CRK: variants seen among roughly 807,000 people sequenced by gnomAD.
CRK encodes adapter molecule crk.
A neutral mutation model predicts 29.8 loss-of-function variants in CRK; 4 were observed. The ratio of observed to expected loss-of-function variants is 0.13; its 90% CI spans 0.07 to 0.31. CRK has a LOEUF of 0.31. Ranked by LOEUF, CRK falls within the 10% of genes least tolerant of loss-of-function variation. The probability of loss-of-function intolerance (pLI) is 1.00; values close to 1 mark genes in which losing one functional copy is unlikely to be tolerated. For synonymous variants in CRK, 153 were observed against 164.9 expected (o/e 0.93, Z 0.55); for missense variants, 274 against 396.5 (o/e 0.69, Z 2.62).
At chr17:1,442,435 C>T (rs553726335) in intron 1 of CRK, among the ~76,000 whole-genome samples, 1 of 151,672 alleles carries the variant, frequency 6.6e-6, no homozygotes, top group African/African-American at 2.4e-5. Flanking sequence ...TGCAGATGTG[C>T]ACCACTGCAG....
intron 1 of CRK, among the ~76,000 whole-genome samples, chr17:1,441,509 G>GA (rs773422823): frequency 2.7e-5 from 4 of 147,208 alleles, no homozygotes; most frequent in Non-Finnish European, 6.0e-5. Flanking sequence ...TTTTTTTTTT[G>GA]AGATGGAGTC....
chr17:1,427,030 C>CAAAAAAAAAAAAAAAAAAAAAA (rs562515421), intron 2 of CRK, among the ~76,000 whole-genome samples: 2 of 35,304 alleles, frequency 5.7e-5, no homozygotes, highest in Admixed American at 5.7e-4. Context: ...AAACTGTCTC[C>CAAAAAAAAAAAAAAAAAAAAAA]AAAAAAAAAA....
intron 1 of CRK, among the ~76,000 whole-genome samples, chr17:1,454,978 G>A (rs1283107260): frequency 1.3e-5 from 2 of 152,120 alleles, no homozygotes; most frequent in African/African-American, 2.4e-5. Flanking sequence ...GACTCAGCCC[G>A]CAGCCCCATC....
chr17:1,434,943 G>A (rs1314104960), intron 2 of CRK, among the ~76,000 whole-genome samples: 1 of 152,110 alleles, frequency 6.6e-6, no homozygotes, highest in African/African-American at 2.4e-5. Context: ...TTTTTGAGCA[G>A]TAAAGCCTCT....
intron 2 of CRK, among the ~76,000 whole-genome samples, chr17:1,433,071 C>T (rs1442546608): frequency 2.0e-5 from 3 of 152,176 alleles, no homozygotes; most frequent in African/African-American, 2.4e-5. Flanking sequence ...AGCTCTGTGT[C>T]GTTTTCAAGG....
intron 1 of CRK, among the ~76,000 whole-genome samples, chr17:1,454,229 A>C (rs537300113): frequency 1.3e-5 from 2 of 151,828 alleles, no homozygotes; most frequent in East Asian, 2.0e-4. Context: ...GAAATAAATA[A>C]GAAAAATTTT....
chr17:1,455,385 C>T (rs1277903396), intron 1 of CRK, among the ~76,000 whole-genome samples: 1 of 152,150 alleles, frequency 6.6e-6, no homozygotes, highest in Non-Finnish European at 1.5e-5. Flanking sequence ...CCATCCCTCC[C>T]GGCCAGTATG....
At chr17:1,425,112 CAG>C (rs1324546504) in intron 2 of CRK, among the ~76,000 whole-genome samples, 6 of 151,584 alleles carry the variant, frequency 4.0e-5, no homozygotes, top group Admixed American at 1.3e-4. Context: ...TTTTTTAAGA[CAG>C]AGTCTCGATC....
At position 1,421,322 on chromosome 17, in the gene CRK, G is replaced by A. The variant is rs1366704692; in HGVS notation, c.*2191C>T. 6.6e-6 allele frequency: 1 copy of A among 152,188 alleles called. No homozygotes were observed. The highest frequency in any genetic ancestry group is 1.9e-4 in the East Asian group (1 of 5,206). 9.4% of individuals were successfully genotyped at this position (152,188 alleles called of 1,614,324 possible). A position where few individuals can be genotyped will look rare whatever the true frequency, so the allele number is the denominator to read the frequency against. On this transcript the variant is annotated 3_prime_UTR_variant, in exon 3 of 3. Transcript: ENST00000300574. ...GAAAATAGGAACATTCAAATCAGTTGTGACAAGGTTTTTCTACAAGTATTT... is the reference window on the plus strand; with the variant it reads ...GAAAATAGGAACATTCAAATCAGTTATGACAAGGTTTTTCTACAAGTATTT...
chr17:1,439,452 C>A (rs894995627), intron 1 of CRK, among the ~76,000 whole-genome samples: 11 of 152,072 alleles, frequency 7.2e-5, no homozygotes, highest in Non-Finnish European at 1.6e-4. Flanking sequence ...CGGCTAAGCA[C>A]CCAAAACAGC....
intron 1 of CRK, among the ~76,000 whole-genome samples, chr17:1,448,398 GCAA>G (rs1401069338): frequency 1.3e-5 from 2 of 152,030 alleles, no homozygotes; most frequent in Non-Finnish European, 2.9e-5. Context: ...GCAGAGCCAG[GCAA>G]ATCACTGAGG....
chr17:1,431,286 G>A (rs939600513), intron 2 of CRK, among the ~76,000 whole-genome samples: 5 of 152,152 alleles, frequency 3.3e-5, no homozygotes, highest in Non-Finnish European at 5.9e-5. Context: ...GGCAGAGGAA[G>A]AAGGCCGGAG....
At chr17:1,430,894 C>T (rs12944951) in intron 2 of CRK, among the ~76,000 whole-genome samples, 18,899 of 150,996 alleles carry the variant, frequency 0.13, 1,645 homozygotes, top group African/African-American at 0.23. Context: ...GGTGAAACCC[C>T]GTCTCTACTA....
chr17:1,429,483 A>G (rs2073816493), intron 2 of CRK, among the ~76,000 whole-genome samples: 1 of 151,940 alleles, frequency 6.6e-6, no homozygotes, highest in Non-Finnish European at 1.5e-5. Flanking sequence ...CACATTGGAC[A>G]GTCTGGTATG....
At chr17:1,433,509 C>A (rs12949152) in intron 2 of CRK, among the ~76,000 whole-genome samples, 6,454 of 58,750 alleles carry the variant, frequency 0.11, 578 homozygotes, top group African/African-American at 0.3. Flanking sequence ...CCACGCCTGG[C>A]TTTTTTTTTT....
In CRK at chr17:1,423,119, T is replaced by G; in HGVS notation, c.*394A>C. On this transcript the variant is annotated 3_prime_UTR_variant, in exon 3 of 3. Coordinates refer to ENST00000300574, the MANE Select transcript of CRK (RefSeq NM_016823.4). ...TGGAACGGAACAGTCTGTCGCCATT[T>G]GATAGTATGGTTCCAGAATGAAAAC... 4.7e-6 allele frequency: 2 copies of G among 426,712 alleles called. No individual in the cohort carries two copies. The highest frequency in any genetic ancestry group is 8.2e-6 in the Non-Finnish European group (2 of 243,244). The allele number at this position is 426,712 out of a possible 1,614,324, so 26.4% of individuals were successfully genotyped here.
chr17:1,455,995 G>A lies in CRK; in HGVS notation c.123C>T (p.Ser41=), dbSNP rs748586245. The A allele has an allele frequency of 3.1e-6, 5 of 1,601,042 alleles. No homozygotes were observed. The Admixed American group carries it at 6.8e-5, about 22-fold the overall frequency. The stretch of plus-strand genomic sequence containing the variant: ...TGAGCACATAGTCCCCGGGGCTGGT[G>A]CTCGAGTCCCGCACCAGGAACACCC... ...RHGVFLVRDS[S]TSPGDYVLSV... Residue 41 remains serine, a synonymous_variant, in exon 1 of 3, where the codon AGC becomes AGT. Transcript: ENST00000300574.
Position 1,421,203 on chromosome 17 carries a change from G to A in CRK, c.*2310C>T, listed in dbSNP as rs1054077936. ...ACGGCCCTGGATCACTGATCACTGA[G>A]GAATCCTTAGGACTTGAGTAGCGCT... On this transcript the variant is annotated 3_prime_UTR_variant, in exon 3 of 3. Coordinates refer to ENST00000300574, the MANE Select transcript of CRK (RefSeq NM_016823.4). 5.3e-5 allele frequency: 8 copies of A among 152,142 alleles called. No homozygotes were observed. The highest frequency in any genetic ancestry group is 8.8e-5 in the Non-Finnish European group (6 of 68,042). The allele number at this position is 152,142 out of a possible 1,614,324, so 9.4% of individuals were successfully genotyped here.
At chr17:1,426,845 G>C (rs980718082) in intron 2 of CRK, among the ~76,000 whole-genome samples, 1 of 63,876 alleles carries the variant, frequency 1.6e-5, no homozygotes, top group African/African-American at 1.1e-4. Context: ...CTGGCCAACA[G>C]AGTTACACTG....
Sources: allele counts gnomAD v4.1 joint callset (sites outside exome capture counted in the v4.1 genomes callset), GRCh38; gene constraint gnomAD v4.1.1; transcripts MANE v1.5; gene names NCBI Gene and HGNC (gene_info 2026-07-23, HGNC 2026-07-21).